Variants in PDE7A observed in about 807,000 individuals in gnomAD.
PDE7A encodes the protein high affinity 3',5'-cyclic-AMP phosphodiesterase 7A.
In PDE7A, 39 loss-of-function variants were observed where a neutral mutation model predicts 64.3. The observed-to-expected ratio is 0.61, with a 90% CI of 0.47 to 0.79. The LOEUF is 0.79. Among genes scored for constraint, PDE7A ranks in the 30% least tolerant of loss-of-function variants. The probability of loss-of-function intolerance (pLI) is 0.00; values close to 1 mark genes in which losing one functional copy is unlikely to be tolerated. For missense variants in PDE7A, 470 were observed against 582.8 expected, an observed-to-expected ratio of 0.81 and a Z score of 1.99; for synonymous variants, 203 against 206.8, an observed-to-expected ratio of 0.98 and a Z score of 0.16.
chr8:65,789,071 A>G (rs914846920), intron 1 of PDE7A: 4 of 1,425,928 alleles, frequency 2.8e-6, no homozygotes, highest in African/African-American at 2.8e-5. Context: ...TTGGACCTCA[A>G]GCAGCTGCCT....
intron 1 of PDE7A, among the ~76,000 whole-genome samples, chr8:65,786,310 A>C (rs898216179): frequency 4.6e-5 from 7 of 152,190 alleles, no homozygotes; most frequent in Non-Finnish European, 8.8e-5. Flanking sequence ...ACTGTTTTTA[A>C]AGAATGGACT....
intron 3 of PDE7A, among the ~76,000 whole-genome samples, chr8:65,749,214 A>G (rs1807821466): frequency 6.6e-6 from 1 of 152,222 alleles, no homozygotes; most frequent in African/African-American, 2.4e-5. Flanking sequence ...GATGACTTTC[A>G]GAACAGGCAT....
chr8:65,746,812 C>G (rs1807696584), intron 4 of PDE7A, among the ~76,000 whole-genome samples: 1 of 152,132 alleles, frequency 6.6e-6, no homozygotes, highest in Non-Finnish European at 1.5e-5. Context: ...CCACTGATTT[C>G]TTTTACTAAA....
chr8:65,738,076 A>AAGT, intron 6 of PDE7A, among the ~76,000 whole-genome samples: 1 of 152,294 alleles, frequency 6.6e-6, no homozygotes, highest in African/African-American at 2.4e-5. Flanking sequence ...AGCAAGTCAA[A>AAGT]ATTTTGGGTT....
At chr8:65,791,313 C>T (rs1437597246) in intron 1 of PDE7A, among the ~76,000 whole-genome samples, 1 of 152,232 alleles carries the variant, frequency 6.6e-6, no homozygotes, top group Non-Finnish European at 1.5e-5. Flanking sequence ...CACCACTTCT[C>T]TGTGCCTTAA....
At chr8:65,820,875 C>T (rs1257594326) in intron 1 of PDE7A, among the ~76,000 whole-genome samples, 3 of 152,202 alleles carry the variant, frequency 2.0e-5, no homozygotes, top group Non-Finnish European at 4.4e-5. Flanking sequence ...CAGGCGTGAG[C>T]CACCATGCCT....
chr8:65,754,644 C>T (rs1405333075), intron 3 of PDE7A, among the ~76,000 whole-genome samples: 3 of 147,446 alleles, frequency 2.0e-5, no homozygotes, highest in Non-Finnish European at 4.5e-5. Context: ...CGTTATTTGT[C>T]TTCTATATGC....
intron 1 of PDE7A, among the ~76,000 whole-genome samples, chr8:65,786,336 G>A (rs1809558691): frequency 6.6e-6 from 1 of 151,944 alleles, no homozygotes; most frequent in African/African-American, 2.4e-5. Flanking sequence ...ATAAATATCT[G>A]AACCCATCAA....
At chr8:65,739,694 A>C in intron 5 of PDE7A, 97 bp from the exon 6 acceptor site, 1 of 1,206,450 alleles carries the variant, frequency 8.3e-7, no homozygotes, top group Non-Finnish European at 1.1e-6. Flanking sequence ...AAACATGGAA[A>C]GAGTAATAAT....
intron 1 of PDE7A, chr8:65,789,049 A>T: frequency 1.3e-6 from 2 of 1,503,140 alleles, no homozygotes; most frequent in Non-Finnish European, 1.8e-6. Flanking sequence ...AAGAGAGGGG[A>T]CACTGACTGC....
intron 3 of PDE7A, among the ~76,000 whole-genome samples, chr8:65,771,647 G>A (rs963622360): frequency 3.9e-5 from 6 of 152,108 alleles, no homozygotes; most frequent in East Asian, 3.9e-4. Flanking sequence ...AGGCCAGGGC[G>A]GGCGGATCAC....
chr8:65,797,359 T>A (rs1809868428), intron 1 of PDE7A, among the ~76,000 whole-genome samples: 1 of 152,206 alleles, frequency 6.6e-6, no homozygotes, highest in Non-Finnish European at 1.5e-5. Flanking sequence ...ACCACACAAA[T>A]GCACAGGGGA....
chr8:65,842,033 T>TC lies in PDE7A; in HGVS notation c.-526dup, dbSNP rs1811111046. On this transcript the variant is annotated 5_prime_UTR_variant, in exon 1 of 13. Transcript: ENST00000401827. ...CCCCTCCCCCGGAGCCTGACTTCAC[T>TC]CCGCCGCCGGCGCGAGCCCGGCGTA... The TC allele has an allele frequency of 3.4e-5, 7 of 203,122 alleles. No individual in the cohort carries two copies. In the South Asian group the frequency reaches 5.0e-4, roughly 15 times the overall value. 12.6% of individuals were successfully genotyped at this position (203,122 alleles called of 1,614,324 possible).
At chr8:65,768,576 G>A (rs1808917324) in intron 3 of PDE7A, among the ~76,000 whole-genome samples, 1 of 152,132 alleles carries the variant, frequency 6.6e-6, no homozygotes, top group African/African-American at 2.4e-5. Context: ...TTTGTAGATT[G>A]CCCAATCTTG....
chr8:65,736,801 T>C (rs1222656125), intron 6 of PDE7A, among the ~76,000 whole-genome samples: 1 of 151,270 alleles, frequency 6.6e-6, no homozygotes, highest in African/African-American at 2.4e-5. Context: ...TTTTTTTTTT[T>C]TTTTTTGCCA....
At position 65,755,022 on chromosome 8, in the gene PDE7A, TTA is replaced by T. The variant is rs1303220988; in HGVS notation, c.284-7221_284-7220del. 4.8e-5 allele frequency among the ~76,000 whole-genome samples: 7 copies of T among 144,622 alleles called. No individual in the cohort carries two copies. The Admixed American group carries it at 5.0e-4, about 10-fold the overall frequency. The allele number at this position is 144,622 out of a possible 152,430, so 94.9% of individuals were successfully genotyped here. A position where few individuals can be genotyped will look rare whatever the true frequency, so the allele number is the denominator to read the frequency against. On this transcript the variant is annotated intron_variant, in intron 3 of 12. Coordinates refer to ENST00000401827, the MANE Select transcript of PDE7A (RefSeq NM_001242318.3). ...ATTGCCTGTTTATTTTTTTTTTCACTTATTTTTTTTTTTTTTGAGACAGAGTC... is the reference window on the plus strand; with the variant it reads ...ATTGCCTGTTTATTTTTTTTTTCACTTTTTTTTTTTTTTTGAGACAGAGTC...
At chr8:65,829,110 T>G (rs1810747782) in intron 1 of PDE7A, among the ~76,000 whole-genome samples, 2 of 152,120 alleles carry the variant, frequency 1.3e-5, no homozygotes, top group Non-Finnish European at 2.9e-5. Flanking sequence ...AAAATTTAAA[T>G]TACTAAAAAA....
intron 1 of PDE7A, among the ~76,000 whole-genome samples, chr8:65,793,213 T>C (rs1809747423): frequency 6.6e-6 from 1 of 152,158 alleles, no homozygotes; most frequent in South Asian, 2.1e-4. Context: ...TTCTTCAAAC[T>C]AGTGGAAGAA....
At chr8:65,777,224 C>T (rs1289653949) in intron 3 of PDE7A, among the ~76,000 whole-genome samples, 3 of 151,048 alleles carry the variant, frequency 2.0e-5, no homozygotes, top group Non-Finnish European at 3.0e-5. Flanking sequence ...GGATTACAGG[C>T]ATGCACCACC....
Sources: gnomAD v4.1 joint callset for allele counts (sites outside exome capture counted in the v4.1 genomes callset) on GRCh38, gnomAD v4.1.1 for gene constraint, MANE v1.5 for transcripts, NCBI Gene and HGNC (gene_info 2026-07-23, HGNC 2026-07-21) for gene names.